LRRC37A2: variants seen among roughly 807,000 people sequenced by gnomAD.
The protein encoded by LRRC37A2 is leucine rich repeat containing 37 member A2, also known as leucine-rich repeat-containing protein 37A2.
A neutral mutation model predicts 68.8 loss-of-function variants in LRRC37A2; 9 were observed. The ratio of observed to expected loss-of-function variants is 0.13; its 90% CI spans 0.08 to 0.23. The LOEUF (loss-of-function observed/expected upper bound fraction) is 0.23. Ranked by LOEUF, LRRC37A2 falls within the 10% of genes least tolerant of loss-of-function variation. The pLI is 1.00. For synonymous variants in LRRC37A2, 63 were observed against 367.6 expected, an observed-to-expected ratio of 0.17 and a Z score of 9.48; for missense variants, 168 against 950.4, an observed-to-expected ratio of 0.18 and a Z score of 10.82.
the LRRC37A2 span, among the ~76,000 whole-genome samples, chr17:46,769,570 C>T: frequency 6.6e-6 from 1 of 152,038 alleles, no homozygotes; most frequent in South Asian, 2.1e-4. Context: ...CGACTCATCC[C>T]GGGTGGGGTG....
At chr17:46,543,543 A>G (rs1388680567) in intron 8 of LRRC37A2, among the ~76,000 whole-genome samples, 2 of 150,926 alleles carry the variant, frequency 1.3e-5, no homozygotes, top group Non-Finnish European at 2.9e-5. Flanking sequence ...TTGAGTGATG[A>G]TAGTCCTCTG....
the LRRC37A2 span, among the ~76,000 whole-genome samples, chr17:46,780,912 C>T: frequency 0.011 from 1,691 of 152,146 alleles, 45 homozygotes; most frequent in African/African-American, 0.035. Flanking sequence ...AACAGGTGGC[C>T]CATACATACA....
chr17:46,794,525 G>A, the LRRC37A2 span, among the ~76,000 whole-genome samples: 1 of 152,152 alleles, frequency 6.6e-6, no homozygotes, highest in African/African-American at 2.4e-5. Flanking sequence ...GCTCTGAGAA[G>A]GGCTCTTCAA....
At chr17:46,548,473 G>C in exon 10 of LRRC37A2, 2 of 1,134,168 alleles carry the variant, frequency 1.8e-6, no homozygotes, top group Non-Finnish European at 2.4e-6. Flanking sequence ...AGACACCAAT[G>C]ACGAGAGTGA....
At chr17:47,033,148 T>C in the LRRC37A2 span, 1 of 568,600 alleles carries the variant, frequency 1.8e-6, no homozygotes, top group African/African-American at 2.2e-5. Flanking sequence ...CTCCAGGAGG[T>C]GGAGTTTGCA....
chr17:46,951,705 CA>C, the LRRC37A2 span, among the ~76,000 whole-genome samples: 3 of 152,172 alleles, frequency 2.0e-5, no homozygotes, highest in Admixed American at 2.0e-4. Flanking sequence ...AGGGTTGCCC[CA>C]AAGTCAGATA....
chr17:46,824,560 C>T, the LRRC37A2 span, among the ~76,000 whole-genome samples: 1 of 152,328 alleles, frequency 6.6e-6, no homozygotes, highest in South Asian at 2.1e-4. Flanking sequence ...ATTATACATA[C>T]TACATAGCAG....
At chr17:46,878,806 G>A in the LRRC37A2 span, among the ~76,000 whole-genome samples, 1 of 152,230 alleles carries the variant, frequency 6.6e-6, no homozygotes, top group Non-Finnish European at 1.5e-5. Flanking sequence ...AGGGTCGTGG[G>A]AGGGCAAAGG....
chr17:46,743,178 C>G, the LRRC37A2 span, among the ~76,000 whole-genome samples: 1 of 152,146 alleles, frequency 6.6e-6, no homozygotes, highest in East Asian at 1.9e-4. Context: ...CTCATCTTCC[C>G]TAACCCAGAG....
chr17:46,919,132 C>T, the LRRC37A2 span, among the ~76,000 whole-genome samples: 4 of 152,172 alleles, frequency 2.6e-5, no homozygotes, highest in Admixed American at 6.5e-5. Context: ...CTTTGTATAT[C>T]AGCCCTTGCA....
At chr17:46,880,116 G>A in the LRRC37A2 span, among the ~76,000 whole-genome samples, 3 of 152,242 alleles carry the variant, frequency 2.0e-5, no homozygotes, top group Non-Finnish European at 4.4e-5. Flanking sequence ...GGCAGCTAGA[G>A]TGAGGGAGTC....
chr17:46,823,058 T>C, the LRRC37A2 span, among the ~76,000 whole-genome samples: 1 of 140,806 alleles, frequency 7.1e-6, no homozygotes, highest in South Asian at 2.1e-4. Context: ...AATAAATATG[T>C]ATTTATAATA....
chr17:46,548,702 G>A (rs2056456058), exon 10 of LRRC37A2: 2 of 1,609,348 alleles, frequency 1.2e-6, no homozygotes, highest in Non-Finnish European at 1.7e-6. Context: ...CAGAGCATCA[G>A]GAGGGAACAG....
At chr17:46,817,064 G>T in the LRRC37A2 span, among the ~76,000 whole-genome samples, 1 of 152,182 alleles carries the variant, frequency 6.6e-6, no homozygotes, top group South Asian at 2.1e-4. Context: ...CCCTTGGCTG[G>T]CTGTCCTGGG....
the LRRC37A2 span, among the ~76,000 whole-genome samples, chr17:46,864,039 C>T: frequency 0.019 from 2,958 of 152,314 alleles, 90 homozygotes; most frequent in African/African-American, 0.068. Flanking sequence ...GCACTGTCCT[C>T]ATCATTGAGG....
chr17:46,895,277 A>G, the LRRC37A2 span, among the ~76,000 whole-genome samples: 1 of 152,208 alleles, frequency 6.6e-6, no homozygotes, highest in Non-Finnish European at 1.5e-5. Context: ...GACTTATAAT[A>G]ACTAACTTGT....
the LRRC37A2 span, among the ~76,000 whole-genome samples, chr17:46,845,128 C>T: frequency 9.2e-5 from 14 of 152,276 alleles, no homozygotes; most frequent in African/African-American, 3.4e-4. Context: ...GGATTACAGG[C>T]GTAAGCCACA....
chr17:46,727,719 A>T, the LRRC37A2 span, among the ~76,000 whole-genome samples: 1 of 152,196 alleles, frequency 6.6e-6, no homozygotes, highest in Non-Finnish European at 1.5e-5. Context: ...GCACAAACTC[A>T]TAGCTCTGTG....
At chr17:46,841,727 A>C in the LRRC37A2 span, among the ~76,000 whole-genome samples, 48 of 152,222 alleles carry the variant, frequency 3.2e-4, no homozygotes, top group Non-Finnish European at 2.5e-4. Flanking sequence ...GGGGTAGATG[A>C]AGGCAGAGGA....
Sources: allele counts gnomAD v4.1 joint callset (sites outside exome capture counted in the v4.1 genomes callset), GRCh38; gene constraint gnomAD v4.1.1; transcripts MANE v1.5; gene names NCBI Gene and HGNC (gene_info 2026-07-23, HGNC 2026-07-21).